The following CDH13 variants were observed in gnomAD, a reference collection of about 807,000 sequenced individuals.
CDH13 encodes the protein cadherin-13.
A neutral mutation model predicts 63.8 loss-of-function variants in CDH13; 24 were observed. The observed-to-expected ratio is 0.38, with a 90% CI of 0.27 to 0.53. CDH13 has a LOEUF of 0.53. Among genes scored for constraint, CDH13 ranks in the 20% least tolerant of loss-of-function variants. The pLI is 0.85. For missense variants in CDH13, 1,049 were observed against 903.1 expected (o/e 1.16, Z -2.07); for synonymous variants, 503 against 355.3 (o/e 1.42, Z -4.67).
chr16:83,660,310 C>T (rs1334780663), intron 8 of CDH13, among the ~76,000 whole-genome samples: 1 of 152,124 alleles, frequency 6.6e-6, no homozygotes, highest in Non-Finnish European at 1.5e-5. Flanking sequence ...TAGACGGTTC[C>T]ATCTGGGGGT....
intron 4 of CDH13, chr16:83,171,486 A>C (rs1178217185): frequency 1.3e-6 from 2 of 1,514,338 alleles, no homozygotes; most frequent in Non-Finnish European, 1.8e-6. Flanking sequence ...TCATTCTATG[A>C]AAATAGACTG....
chr16:83,089,059 T>G (rs1431070474), intron 3 of CDH13, among the ~76,000 whole-genome samples: 1 of 152,192 alleles, frequency 6.6e-6, no homozygotes, highest in African/African-American at 2.4e-5. Context: ...TAGACAAAAT[T>G]TACAGACTCC....
At chr16:83,666,478 C>T (rs1164930481) in intron 8 of CDH13, among the ~76,000 whole-genome samples, 2 of 152,076 alleles carry the variant, frequency 1.3e-5, no homozygotes, top group African/African-American at 4.8e-5. Flanking sequence ...TAGATTTAAA[C>T]GTAACCCAGT....
intron 5 of CDH13, among the ~76,000 whole-genome samples, chr16:83,242,514 G>A (rs1373635671): frequency 6.6e-6 from 1 of 152,170 alleles, no homozygotes; most frequent in South Asian, 2.1e-4. Flanking sequence ...GTTTGGAGAG[G>A]GTGGAATGGC....
chr16:83,645,542 C>T (rs1291852081), intron 8 of CDH13, among the ~76,000 whole-genome samples: 1 of 151,908 alleles, frequency 6.6e-6, no homozygotes, highest in Non-Finnish European at 1.5e-5. Flanking sequence ...CACATGCCCC[C>T]CCCCAATCTA....
chr16:82,945,396 A>G (rs1254356289), intron 2 of CDH13, among the ~76,000 whole-genome samples: 1 of 152,182 alleles, frequency 6.6e-6, no homozygotes, highest in Non-Finnish European at 1.5e-5. Flanking sequence ...CTCCTGGATC[A>G]AGTACGAAAT....
chr16:83,593,087 C>G (rs143532001), intron 7 of CDH13, among the ~76,000 whole-genome samples: 1 of 152,300 alleles, frequency 6.6e-6, no homozygotes, highest in Non-Finnish European at 1.5e-5. Context: ...TTTCACCAAT[C>G]TTTTGCAATA....
intron 1 of CDH13, among the ~76,000 whole-genome samples, chr16:82,801,313 C>T (rs2036843578): frequency 6.6e-6 from 1 of 152,210 alleles, no homozygotes; most frequent in Admixed American, 6.5e-5. Flanking sequence ...TCATTGTCCC[C>T]TTTGAAGATC....
intron 1 of CDH13, among the ~76,000 whole-genome samples, chr16:82,698,048 A>G (rs2030547759): frequency 6.6e-6 from 1 of 152,112 alleles, no homozygotes; most frequent in South Asian, 2.1e-4. Context: ...TATCTGTTGA[A>G]TGGATGAATG....
intron 6 of CDH13, among the ~76,000 whole-genome samples, chr16:83,388,194 C>A (rs1332092181): frequency 3.3e-5 from 5 of 150,638 alleles, no homozygotes; most frequent in East Asian, 2.0e-4. Flanking sequence ...TGGCTTATGG[C>A]TGTGATCTCA....
intron 10 of CDH13, among the ~76,000 whole-genome samples, chr16:83,678,825 G>A (rs930899096): frequency 1.2e-4 from 18 of 152,216 alleles, no homozygotes; most frequent in African/African-American, 4.3e-4. Flanking sequence ...CATCAGCACT[G>A]CTTTATGACA....
At chr16:83,649,631 C>T (rs1912173105) in intron 8 of CDH13, among the ~76,000 whole-genome samples, 1 of 152,094 alleles carries the variant, frequency 6.6e-6, no homozygotes, top group Non-Finnish European at 1.5e-5. Flanking sequence ...TCACTTTGAG[C>T]AGCAAGGAAG....
intron 4 of CDH13, among the ~76,000 whole-genome samples, chr16:83,176,166 A>C (rs916339726): frequency 2.0e-5 from 3 of 151,560 alleles, no homozygotes; most frequent in Non-Finnish European, 2.9e-5. Flanking sequence ...TACTTTTTAA[A>C]TTAATATGCT....
At chr16:83,499,368 TG>T (rs1352274692) in intron 7 of CDH13, among the ~76,000 whole-genome samples, 1 of 152,234 alleles carries the variant, frequency 6.6e-6, no homozygotes, top group East Asian at 1.9e-4. Flanking sequence ...GTTGGGACTA[TG>T]GTTGATTTTA....
intron 5 of CDH13, among the ~76,000 whole-genome samples, chr16:83,232,928 C>T (rs1432494264): frequency 6.6e-6 from 1 of 152,084 alleles, no homozygotes; most frequent in Non-Finnish European, 1.5e-5. Flanking sequence ...TGGGTATTTC[C>T]AAGGAAAGGC....
chr16:83,677,254 C>T (rs1915035549), intron 9 of CDH13, among the ~76,000 whole-genome samples: 1 of 152,222 alleles, frequency 6.6e-6, no homozygotes, highest in Admixed American at 6.5e-5. Flanking sequence ...CAATGTTTAT[C>T]ATGGAGTTTC....
chr16:83,728,991 G>A (rs1482920542), intron 10 of CDH13: 4 of 152,534 alleles, frequency 2.6e-5, no homozygotes, highest in Admixed American at 6.6e-5. Context: ...ATTTCCTTGG[G>A]GCATGTACCT....
In CDH13 at chr16:83,666,797, T is replaced by C. The variant is rs1042519316; in HGVS notation, c.1102-3993T>C. 2.6e-5 allele frequency among the ~76,000 whole-genome samples: 4 copies of C among 152,222 alleles called. No individual in the cohort carries two copies. In the East Asian group the frequency reaches 7.7e-4, roughly 29 times the overall value. On this transcript the variant is annotated intron_variant, in intron 8 of 13. Coordinates refer to ENST00000567109, the MANE Select transcript of CDH13 (RefSeq NM_001257.5). ...TTTTCCCTGATGATCCTCTCCAGAC[T>C]GGATCAGATACCCACCTCCACACAT...
intron 3 of CDH13, among the ~76,000 whole-genome samples, chr16:83,045,676 T>G (rs1364307180): frequency 6.9e-6 from 1 of 145,188 alleles, no homozygotes; most frequent in Non-Finnish European, 1.5e-5. Context: ...TCTGCATTTC[T>G]CAAGGGAAAA....
Sources: allele counts gnomAD v4.1 joint callset (sites outside exome capture counted in the v4.1 genomes callset), GRCh38; gene constraint gnomAD v4.1.1; transcripts MANE v1.5; gene names NCBI Gene and HGNC (gene_info 2026-07-23, HGNC 2026-07-21).